ZBTB25: variants seen among roughly 807,000 people sequenced by gnomAD.
The protein encoded by ZBTB25 is zinc finger and BTB domain-containing protein 25.
A neutral mutation model predicts 34.2 loss-of-function variants in ZBTB25; 20 were observed. The ratio of observed to expected loss-of-function variants is 0.58; its 90% CI spans 0.41 to 0.85. The LOEUF is 0.85. Ranked by LOEUF, ZBTB25 falls within the 40% of genes least tolerant of loss-of-function variation. ZBTB25 has a pLI of 0.00. For missense variants in ZBTB25, 437 were observed against 521.8 expected, an observed-to-expected ratio of 0.84 and a Z score of 1.58; for synonymous variants, 175 against 186.4, an observed-to-expected ratio of 0.94 and a Z score of 0.50.
Position 64,486,732 on chromosome 14 carries a change from A to G in ZBTB25, c.*191T>C. On this transcript the variant is annotated 3_prime_UTR_variant, in exon 3 of 3. Transcript: ENST00000608382. The stretch of plus-strand genomic sequence containing the variant: ...TGTGAAAAGTTCACAGTAGTAATTG[A>G]ATGTTACATTTTAATAGCCACATAT... 8.0e-7 allele frequency: 1 copy of G among 1,252,502 alleles called. No individual in the cohort carries two copies. The allele number at this position is 1,252,502 out of a possible 1,614,324, so 77.6% of individuals were successfully genotyped here.
chr14:64,498,607 G>A (rs575480261), intron 1 of ZBTB25, among the ~76,000 whole-genome samples: 7 of 150,208 alleles, frequency 4.7e-5, no homozygotes, highest in African/African-American at 9.8e-5. Flanking sequence ...CACTGTTCCC[G>A]GCCAGATTGT....
chr14:64,453,969 G>A, intron 2 of ZBTB25: 1 of 732,814 alleles, frequency 1.4e-6, no homozygotes, highest in Non-Finnish European at 2.5e-6. Flanking sequence ...TCACTTCTCT[G>A]GGTGGCAGCC....
intron 1 of ZBTB25, among the ~76,000 whole-genome samples, chr14:64,494,869 T>C (rs1183380743): frequency 6.6e-6 from 1 of 152,244 alleles, no homozygotes; most frequent in Non-Finnish European, 1.5e-5. Flanking sequence ...TTTCTATTAA[T>C]CTATCCTCAA....
Position 64,487,922 on chromosome 14 carries a change from G to A in ZBTB25, c.309C>T (p.His103=), listed in dbSNP as rs563449304. The part of the protein sequence containing the change: ...SRLEEGIRFL[H]ADYLSHIATE... ...TTGCAATGTGAGAAAGGTAGTCGGC[G>A]TGAAGAAATCGAATCCCTTCCTCCA... The change falls in exon 3 of 3, where the codon CAC becomes CAT. Residue 103 remains histidine (H), a synonymous_variant. Transcript: ENST00000608382. 25 of 1,614,040 alleles carry A rather than the reference G, an allele frequency of 1.5e-5. No individual in the cohort carries two copies. Among genetic ancestry groups the A allele is most frequent in the Middle Eastern group, 1.6e-4 (1 of 6,084 alleles).
At chr14:64,500,849 A>C (rs2079468656) in intron 1 of ZBTB25, among the ~76,000 whole-genome samples, 1 of 152,332 alleles carries the variant, frequency 6.6e-6, no homozygotes, top group East Asian at 1.9e-4. Context: ...TCAGGAGTTC[A>C]AGACCCGCCT....
At chr14:64,475,664 G>T (rs1163624797), downstream of ZBTB25, among the ~76,000 whole-genome samples, 1 of 152,134 alleles carries the variant, frequency 6.6e-6, no homozygotes, top group African/African-American at 2.4e-5. Flanking sequence ...GCTTAGGAAA[G>T]AGAGTATGCG....
At chr14:64,469,106 GA>G in intron 2 of ZBTB25, 1 of 1,614,004 alleles carries the variant, frequency 6.2e-7, no homozygotes, top group Non-Finnish European at 8.5e-7. Context: ...AACGATCAAG[GA>G]AAAACAAGAT....
In ZBTB25 at chr14:64,484,298, C is replaced by T. The variant is rs1236439674; in HGVS notation, c.*2625G>A. The T allele has an allele frequency of 1.3e-5, 2 of 152,274 alleles. No individual in the cohort carries two copies. Among genetic ancestry groups the T allele is most frequent in the African/African-American group, 4.8e-5 (2 of 41,462 alleles). 9.4% of individuals were successfully genotyped at this position (152,274 alleles called of 1,614,324 possible). A position where few individuals can be genotyped will look rare whatever the true frequency, so the allele number is the denominator to read the frequency against. ...CAAACTCTTACCATTTATCCAAACTCTGCCCTGAGGCACTTGCTGTCTTAT... is the reference window on the plus strand; with the variant it reads ...CAAACTCTTACCATTTATCCAAACTTTGCCCTGAGGCACTTGCTGTCTTAT... On this transcript the variant is annotated 3_prime_UTR_variant, in exon 3 of 3. Transcript: ENST00000608382.
At chr14:64,476,089 C>A (rs776255002), downstream of ZBTB25, among the ~76,000 whole-genome samples, 23 of 152,178 alleles carry the variant, frequency 1.5e-4, no homozygotes, top group African/African-American at 3.1e-4. Context: ...TGTACCCGAA[C>A]CTTTTATTCC....
Position 64,487,565 on chromosome 14 carries a change from TG to T in ZBTB25, c.665del (p.Ser222TyrfsTer4). 6.2e-7 allele frequency: 1 copy of T among 1,610,022 alleles called. No homozygotes were observed. The highest frequency in any genetic ancestry group is 8.5e-7 in the Non-Finnish European group (1 of 1,176,714). ...SVISQSHPSP[S>X]SEVTGPTFTE... ...TAAAAGTGGGGCCTGTCACCTCTGA[TG>T]AGGGTGAGGGGTGGCTCTGGGAGAT... On this transcript the variant is annotated frameshift_variant, in exon 3 of 3. Coordinates refer to ENST00000608382, the MANE Select transcript of ZBTB25 (RefSeq NM_006977.5). LOFTEE classifies it high-confidence loss of function.
At chr14:64,491,191 C>T (rs968695609) in intron 1 of ZBTB25, among the ~76,000 whole-genome samples, 19 of 152,308 alleles carry the variant, frequency 1.2e-4, no homozygotes, top group African/African-American at 4.1e-4. Flanking sequence ...CTTAAGCTGG[C>T]GCAGTGGCTC....
rs2078847807 is a variant in ZBTB25 at position 64,485,440 on chromosome 14, T to C, written c.*1483A>G. On this transcript the variant is annotated 3_prime_UTR_variant, in exon 3 of 3. Coordinates refer to ENST00000608382, the MANE Select transcript of ZBTB25 (RefSeq NM_006977.5). ...TTAAACATTTCAGAAACAATTTAGA[T>C]CTATCCTTTGTGGTGAAGCTTAACC... 1.0e-6 allele frequency: 1 copy of C among 985,250 alleles called. No homozygotes were observed. Among genetic ancestry groups the C allele is most frequent in the Non-Finnish European group, 1.2e-6 (1 of 829,868 alleles). 61.0% of individuals were successfully genotyped at this position (985,250 alleles called of 1,614,324 possible). A position where few individuals can be genotyped will look rare whatever the true frequency, so the allele number is the denominator to read the frequency against.
In ZBTB25 at chr14:64,480,574, G is replaced by T. The variant is rs2078775087; in HGVS notation, c.*6349C>A. 5.3e-6 allele frequency: 1 copy of T among 187,670 alleles called. No homozygotes were observed. Among genetic ancestry groups the T allele is most frequent in the Non-Finnish European group, 1.1e-5 (1 of 88,112 alleles). The allele number at this position is 187,670 out of a possible 1,614,324, so 11.6% of individuals were successfully genotyped here. On this transcript the variant is annotated 3_prime_UTR_variant, in exon 3 of 3. Coordinates refer to ENST00000608382, the MANE Select transcript of ZBTB25 (RefSeq NM_006977.5). ...AACACAACATTTGGCAAACACTGAT[G>T]TAAAATAAGAACACATTCTATAAGC...
At chr14:64,473,982 A>T (rs1460979710), downstream of ZBTB25, 2 of 166,988 alleles carry the variant, frequency 1.2e-5, no homozygotes, top group Non-Finnish European at 2.9e-5. Flanking sequence ...TGTCCTAATT[A>T]AATTCAATTT....
intron 2 of ZBTB25, among the ~76,000 whole-genome samples, chr14:64,465,155 T>C (rs1473483930): frequency 2.0e-5 from 3 of 152,198 alleles, no homozygotes; most frequent in African/African-American, 7.2e-5. Context: ...TGTCTATAAT[T>C]TGAAACCGGA....
chr14:64,500,525 G>A lies in ZBTB25; in HGVS notation c.-8+3136C>T, dbSNP rs560625021. Reference sequence around the variant, plus strand: ...CCTGCTAGCAAAGGGAAAGCAGAACGGTAAATAAATGCCTATAATCCCAGC... The same window carrying A: ...CCTGCTAGCAAAGGGAAAGCAGAACAGTAAATAAATGCCTATAATCCCAGC... On this transcript the variant is annotated intron_variant, in intron 1 of 2. Transcript: ENST00000608382. Among the ~76,000 whole-genome samples the A allele has an allele frequency of 1.6e-4, 24 of 148,600 alleles. No individual in the cohort carries two copies. In the South Asian group the frequency reaches 5.1e-3, roughly 32 times the overall value.
chr14:64,499,391 A>G (rs1049945902), intron 1 of ZBTB25: 1 of 151,964 alleles, frequency 6.6e-6, no homozygotes, highest in African/African-American at 2.4e-5. Context: ...ACATGAAGAA[A>G]CCCCGTCTCT....
intron 2 of ZBTB25, chr14:64,455,206 T>C: frequency 2.8e-6 from 1 of 361,998 alleles, no homozygotes; most frequent in South Asian, 2.3e-5. Context: ...TCACAGTTAA[T>C]GTTTATTGGG....
chr14:64,491,801 A>G (rs1324439878), intron 1 of ZBTB25, among the ~76,000 whole-genome samples: 2 of 152,192 alleles, frequency 1.3e-5, no homozygotes, highest in Non-Finnish European at 2.9e-5. Flanking sequence ...ACTGAAAAAG[A>G]GAATGAGGTT....
Sources: gnomAD v4.1 joint callset for allele counts (sites outside exome capture counted in the v4.1 genomes callset) on GRCh38, gnomAD v4.1.1 for gene constraint, MANE v1.5 for transcripts, NCBI Gene and HGNC (gene_info 2026-07-23, HGNC 2026-07-21) for gene names.